RBM4: variants seen among roughly 807,000 people sequenced by gnomAD.
The protein encoded by RBM4 is RNA binding motif protein 4, also known as RNA-binding protein 4.
In RBM4, 7 loss-of-function variants were observed where a neutral mutation model predicts 29.5. The ratio of observed to expected loss-of-function variants is 0.24; its 90% CI spans 0.14 to 0.45. RBM4 has a LOEUF of 0.45. RBM4 is among the 20% of genes least tolerant of loss of function. RBM4 has a pLI of 1.00. For synonymous variants in RBM4, 220 were observed against 205.4 expected (o/e 1.07, Z -0.61); for missense variants, 387 against 502.3 (o/e 0.77, Z 2.19).
intron 2 of RBM4, among the ~76,000 whole-genome samples, chr11:66,661,452 G>A (rs1939081802): frequency 6.6e-6 from 1 of 152,306 alleles, no homozygotes; most frequent in Non-Finnish European, 1.5e-5. Flanking sequence ...GTTTCTAACA[G>A]CACCTTGAGT....
intron 2 of RBM4, chr11:66,665,776 T>G (rs923275492): frequency 2.2e-6 from 3 of 1,336,492 alleles, no homozygotes; most frequent in Non-Finnish European, 2.0e-6. Flanking sequence ...AATCCACTTA[T>G]GGCTATATAT....
chr11:66,644,657 C>T, intron 3 of RBM4: 3 of 982,350 alleles, frequency 3.1e-6, no homozygotes, highest in Non-Finnish European at 3.6e-6. Context: ...AGAAGACTAC[C>T]AAAATGGCAT....
intron 2 of RBM4, among the ~76,000 whole-genome samples, chr11:66,659,263 CTTTTTTTTTTTT>C (rs767959263): frequency 2.8e-4 from 19 of 67,338 alleles, no homozygotes; most frequent in South Asian, 2.6e-3. Flanking sequence ...CTTCTTGGTT[CTTTTTTTTTTTT>C]TTTTTTTTTT....
chr11:66,666,808 C>G (rs1268261618), exon 3 of RBM4: 1 of 152,144 alleles, frequency 6.6e-6, no homozygotes, highest in Non-Finnish European at 1.5e-5. Flanking sequence ...CAAGAGATCT[C>G]AAGTCTTGCT....
At chr11:66,648,201 C>T (rs773256519), downstream of RBM4, among the ~76,000 whole-genome samples, 26 of 151,654 alleles carry the variant, frequency 1.7e-4, no homozygotes, top group Non-Finnish European at 3.8e-4. Context: ...CAAAACTCCT[C>T]AAAAAATTAT....
chr11:66,649,883 TGTA>T (rs1251669641), downstream of RBM4: 1 of 580,148 alleles, frequency 1.7e-6, no homozygotes, highest in African/African-American at 1.9e-5. Context: ...CTGGTCAAAA[TGTA>T]GTTTTTCAAG....
At chr11:66,646,573 C>T (rs184985029), downstream of RBM4, 14 of 983,106 alleles carry the variant, frequency 1.4e-5, no homozygotes, top group East Asian at 2.3e-4. Flanking sequence ...TTTGGGTGAA[C>T]GTCACTGTAG....
intron 2 of RBM4, among the ~76,000 whole-genome samples, chr11:66,654,690 T>TG (rs1426351525): frequency 6.7e-5 from 10 of 149,508 alleles, no homozygotes; most frequent in African/African-American, 2.0e-4. Context: ...TTTTGTTTTT[T>TG]TTTTTTTTTT....
downstream of RBM4, among the ~76,000 whole-genome samples, chr11:66,648,528 C>T (rs1434759550): frequency 6.6e-6 from 1 of 151,666 alleles, no homozygotes; most frequent in African/African-American, 2.4e-5. Flanking sequence ...GTCTCAAAAA[C>T]TTTTTGCCAG....
chr11:66,649,815 G>T (rs1369140393), downstream of RBM4: 1 of 697,754 alleles, frequency 1.4e-6, no homozygotes, highest in South Asian at 1.5e-5. Context: ...GAGCTCAAGG[G>T]ATCCTCCCGC....
rs767766638 is a variant in RBM4 at position 66,643,848 on chromosome 11, C to T, written c.811C>T (p.Pro271Ser). ...TCACCTCACCTCCACCTCTCTCGAT[C>T]CCTACGATAGACACCTGTTGCCGAC... ...ASHLTSTSLD[P>S]YDRHLLPTSG... is the part of the protein sequence containing the mutation. The change falls in exon 3 of 4, where the codon CCC becomes TCC. Residue 271 changes from proline to serine, a missense_variant. This residue lies in a region of RBM4 where 281 missense variants were observed against 288.7 expected (regional missense o/e 0.97). Coordinates refer to ENST00000310092, the MANE Select transcript of RBM4 (RefSeq NM_002896.4). This position sits in a 1 kb window ranked among gnomAD's most constrained non-coding sequence, Gnocchi z 6.1. The T allele has an allele frequency of 9.3e-6, 15 of 1,613,936 alleles. No individual in the cohort carries two copies. The highest frequency in any genetic ancestry group is 1.6e-4 in the Middle Eastern group (1 of 6,062).
intron 2 of RBM4, among the ~76,000 whole-genome samples, chr11:66,653,139 G>A (rs1418898671): frequency 1.3e-5 from 2 of 152,008 alleles, no homozygotes; most frequent in African/African-American, 2.4e-5. Flanking sequence ...GTTTCACAAC[G>A]TAAGGAAGAT....
At chr11:66,659,102 G>A (rs1939022373) in intron 2 of RBM4, among the ~76,000 whole-genome samples, 1 of 150,454 alleles carries the variant, frequency 6.6e-6, no homozygotes, top group Non-Finnish European at 1.5e-5. Flanking sequence ...AATTTCACCT[G>A]TTTCAGTTCC....
chr11:66,658,254 C>T (rs961515484), intron 2 of RBM4, among the ~76,000 whole-genome samples: 5 of 150,402 alleles, frequency 3.3e-5, no homozygotes, highest in Non-Finnish European at 4.4e-5. Context: ...TTTTGAACTC[C>T]CGACCTCAGG....
downstream of RBM4, among the ~76,000 whole-genome samples, chr11:66,648,774 T>C (rs1291987832): frequency 6.6e-6 from 1 of 151,660 alleles, no homozygotes; most frequent in African/African-American, 2.4e-5. Flanking sequence ...GATGGAGCCA[T>C]TGCACTCAAG....
At chr11:66,642,807 A>G (rs1314250608) in intron 2 of RBM4, among the ~76,000 whole-genome samples, 2 of 152,216 alleles carry the variant, frequency 1.3e-5, no homozygotes, top group Non-Finnish European at 2.9e-5. Context: ...CGTTAAAGCA[A>G]TGATCAGAAC....
chr11:66,657,793 C>T (rs1036692202), intron 2 of RBM4, among the ~76,000 whole-genome samples: 12 of 151,604 alleles, frequency 7.9e-5, no homozygotes, highest in Admixed American at 2.6e-4. Context: ...GCTGGAGTGC[C>T]GTGTTCAACC....
chr11:66,639,843 C>T lies in RBM4; in HGVS notation c.132C>T (p.Asp44=), dbSNP rs1290755450. 1.7e-5 allele frequency: 27 copies of T among 1,613,986 alleles called. No homozygotes were observed. Among genetic ancestry groups the T allele is most frequent in the Non-Finnish European group, 2.2e-5 (26 of 1,180,034 alleles). Residue 44 remains aspartate (D), a synonymous_variant, in exon 2 of 4, where the codon GAC becomes GAT. Transcript: ENST00000310092. ...IKNYGFVHIE[D]KTAAEDAIRN... is the part of the protein sequence containing the mutation. ...ATTACGGCTTTGTGCACATAGAAGA[C>T]AAGACGGCAGCTGAGGATGCCATAC...
At chr11:66,659,115 A>G (rs187734983) in intron 2 of RBM4, among the ~76,000 whole-genome samples, 45 of 151,362 alleles carry the variant, frequency 3.0e-4, no homozygotes, top group African/African-American at 1.1e-3. Flanking sequence ...TCAGTTCCCT[A>G]TGTGGTTTGC....
Sources: allele counts gnomAD v4.1 joint callset (sites outside exome capture counted in the v4.1 genomes callset), GRCh38; gene constraint gnomAD v4.1.1; regional missense constraint gnomAD v4.1.1; non-coding constraint Gnocchi (gnomAD v3.1); transcripts MANE v1.5; gene names NCBI Gene and HGNC (gene_info 2026-07-23, HGNC 2026-07-21).